The following EP300 variants were observed in gnomAD, a reference collection of about 807,000 sequenced individuals.
The protein encoded by EP300 is histone acetyltransferase p300.
A neutral mutation model predicts 264.0 loss-of-function variants in EP300; 31 were observed. The observed-to-expected ratio is 0.12, with a 90% CI of 0.09 to 0.16. EP300 has a LOEUF of 0.16. EP300 is among the 10% of genes least tolerant of loss of function. EP300 has a pLI of 1.00. For synonymous variants in EP300, 1,340 were observed against 1,045.4 expected (o/e 1.28, Z -5.44); for missense variants, 2,766 against 3,052.9 (o/e 0.91, Z 2.21).
intron 2 of EP300, among the ~76,000 whole-genome samples, chr22:41,119,567 A>G (rs1214689141): frequency 6.6e-6 from 1 of 152,152 alleles, no homozygotes; most frequent in Non-Finnish European, 1.5e-5. Flanking sequence ...TATGTAACCT[A>G]CTTTCTACTG....
chr22:41,176,075 C>T, intron 29 of EP300, 172 bp from the exon 30 acceptor site: 1 of 718,268 alleles, frequency 1.4e-6, no homozygotes, highest in South Asian at 1.8e-5. Context: ...CAGAAATTAG[C>T]CAGGTGTGGT....
chr22:41,109,398 A>G (rs1213462210), intron 1 of EP300, among the ~76,000 whole-genome samples: 3 of 152,182 alleles, frequency 2.0e-5, no homozygotes, highest in African/African-American at 7.2e-5. Flanking sequence ...TGCTTGATGA[A>G]CTCTGTACAT....
In EP300 at chr22:41,172,800, TAGAG is replaced by T. The variant is rs546055080; in HGVS notation, c.4617+140_4617+143del. The stretch of plus-strand genomic sequence containing the variant: ...TTAAGTTGGACAAGAAATATTGGCT[TAGAG>T]AGGTTATTAGGGTTCTGTTTCAGTG... On this transcript the variant is annotated intron_variant, in intron 28 of 30. Transcript: ENST00000263253. The T allele has an allele frequency of 8.4e-3, 7,991 of 946,954 alleles. 63 individuals are homozygous for T. The highest frequency in any genetic ancestry group is 8.4e-3 in the Non-Finnish European group (5,176 of 615,676). 58.7% of individuals were successfully genotyped at this position (946,954 alleles called of 1,614,324 possible).
intron 3 of EP300, among the ~76,000 whole-genome samples, chr22:41,127,158 C>T (rs1047653516): frequency 6.6e-6 from 1 of 152,146 alleles, no homozygotes; most frequent in Admixed American, 6.6e-5. Context: ...TTCTTCATTG[C>T]TCTTTAAAAC....
intron 22 of EP300, among the ~76,000 whole-genome samples, chr22:41,164,956 A>C (rs1048672568): frequency 6.6e-6 from 1 of 152,206 alleles, no homozygotes; most frequent in African/African-American, 2.4e-5. Context: ...CCTCTCATTA[A>C]GATGGGATCT....
chr22:41,101,832 G>T (rs1379399728), intron 1 of EP300, among the ~76,000 whole-genome samples: 1 of 152,056 alleles, frequency 6.6e-6, no homozygotes, highest in African/African-American at 2.4e-5. Flanking sequence ...CACTATGCCT[G>T]CCTCTAAGAA....
chr22:41,149,020 G>GTTTTTTTTTTT lies in EP300; in HGVS notation c.2242-14_2242-4dup. The GTTTTTTTTTTT allele has an allele frequency of 4.1e-6, 6 of 1,458,652 alleles. No individual in the cohort carries two copies. Among genetic ancestry groups the GTTTTTTTTTTT allele is most frequent in the Admixed American group, 1.9e-5 (1 of 53,772 alleles). The allele number at this position is 1,458,652 out of a possible 1,614,324, so 90.4% of individuals were successfully genotyped here. On this transcript the variant is annotated splice_polypyrimidine_tract_variant and intron_variant, in intron 12 of 30. Transcript: ENST00000263253. ...ATAATGAAGCAGTTTGGTGATTTGT[G>GTTTTTTTTTTT]TTTTTTTTTTTTTTCAGCCTATGGG...
At chr22:41,164,956 A>G (rs1048672568) in intron 22 of EP300, among the ~76,000 whole-genome samples, 3 of 152,206 alleles carry the variant, frequency 2.0e-5, no homozygotes, top group African/African-American at 7.2e-5. Context: ...CCTCTCATTA[A>G]GATGGGATCT....
rs757679185 is a variant in EP300, at chr22:41,117,824, A to G, written c.729+3A>G. 3.1e-6 allele frequency: 5 copies of G among 1,613,666 alleles called. No homozygotes were observed. In the African/African-American group the frequency reaches 6.7e-5, roughly 22 times the overall value. ...TGAGAGGCCCCCAGCCTCTTAAGGT[A>G]AGTACAGTTTTGGTTTGTGTGCACA... On this transcript the variant is annotated splice_donor_region_variant and intron_variant, in intron 2 of 30. Coordinates refer to ENST00000263253, the MANE Select transcript of EP300 (RefSeq NM_001429.4).
intron 10 of EP300, 115 bp downstream of exon 10, chr22:41,141,337 C>T: frequency 3.4e-6 from 4 of 1,180,552 alleles, no homozygotes; most frequent in Non-Finnish European, 1.2e-6. Context: ...TTTAAATAAC[C>T]ATTTGCCTTT....
chr22:41,098,598 A>C (rs1569080702), intron 1 of EP300, among the ~76,000 whole-genome samples: 1 of 151,980 alleles, frequency 6.6e-6, no homozygotes, highest in Non-Finnish European at 1.5e-5. Flanking sequence ...GTCTCCATAC[A>C]CTGACCTCGT....
chr22:41,112,184 G>C (rs1292967232), intron 1 of EP300, among the ~76,000 whole-genome samples: 1 of 150,828 alleles, frequency 6.6e-6, no homozygotes, highest in African/African-American at 2.4e-5. Flanking sequence ...CACCATGCCT[G>C]GCCACCTATT....
chr22:41,140,368 G>A, intron 9 of EP300, 111 bp downstream of exon 9: 1 of 812,272 alleles, frequency 1.2e-6, no homozygotes, highest in South Asian at 1.3e-5. Flanking sequence ...GGGACACGCT[G>A]TAGCTATCCC....
At position 41,150,082 on chromosome 22, in the gene EP300, C is replaced by G; in HGVS notation, c.2701C>G (p.Leu901Val). The G allele has an allele frequency of 6.2e-7, 1 of 1,613,768 alleles. No individual in the cohort carries two copies. The highest frequency in any genetic ancestry group is 8.5e-7 in the Non-Finnish European group (1 of 1,180,028). ...TQLPQQVQPS[L>V]PAAPSADQPQ... Reference sequence around the variant, plus strand: ...ACTTCCCCAACAAGTGCAGCCTTCACTTCCTGCTGCACCTTCTGCTGACCA... The same window carrying G: ...ACTTCCCCAACAAGTGCAGCCTTCAGTTCCTGCTGCACCTTCTGCTGACCA... The change falls in exon 14 of 31, where the codon CTT becomes GTT. Residue 901 changes from leucine to valine, a missense_variant. Coordinates refer to ENST00000263253, the MANE Select transcript of EP300 (RefSeq NM_001429.4).
chr22:41,158,675 T>C, intron 19 of EP300, 175 bp downstream of exon 19: 1 of 619,110 alleles, frequency 1.6e-6, no homozygotes, highest in Middle Eastern at 4.4e-4. Context: ...TAAAATTTTC[T>C]ATCAGAGTAG....
chr22:41,118,000 T>C (rs2058831150), intron 2 of EP300, among the ~76,000 whole-genome samples, 179 bp downstream of exon 2: 1 of 152,226 alleles, frequency 6.6e-6, no homozygotes, highest in Non-Finnish European at 1.5e-5. Flanking sequence ...TTACAGCTGG[T>C]ATTCTATAAC....
chr22:41,163,451 AAAAATT>A lies in EP300; in HGVS notation c.3729-600_3729-595del, dbSNP rs2059118501. 1.4e-5 allele frequency among the ~76,000 whole-genome samples: 2 copies of A among 148,090 alleles called. 1 individual carries two copies. Among genetic ancestry groups the A allele is most frequent in the South Asian group, 4.3e-4 (2 of 4,668 alleles). Reference sequence around the variant, plus strand: ...CTCCGTCTCAAAAAAAAAAAAAAAAAAAAATTAGCCAGGTTTGGCCGGGCACAGTGG... The same window carrying A: ...CTCCGTCTCAAAAAAAAAAAAAAAAAAGCCAGGTTTGGCCGGGCACAGTGG... On this transcript the variant is annotated intron_variant, in intron 21 of 30. Coordinates refer to ENST00000263253, the MANE Select transcript of EP300 (RefSeq NM_001429.4).
chr22:41,162,434 C>G (rs1226087626), intron 20 of EP300, among the ~76,000 whole-genome samples: 1 of 151,940 alleles, frequency 6.6e-6, no homozygotes, highest in Non-Finnish European at 1.5e-5. Flanking sequence ...TACCTAACAC[C>G]AAGAATAGTA....
intron 1 of EP300, among the ~76,000 whole-genome samples, chr22:41,109,174 T>G (rs2058774455): frequency 6.7e-6 from 1 of 148,154 alleles, no homozygotes; most frequent in Non-Finnish European, 1.5e-5. Flanking sequence ...GAGGATTGCT[T>G]GAGCCAGGAG....
Sources: allele counts gnomAD v4.1 joint callset (sites outside exome capture counted in the v4.1 genomes callset), GRCh38; gene constraint gnomAD v4.1.1; transcripts MANE v1.5; gene names NCBI Gene and HGNC (gene_info 2026-07-23, HGNC 2026-07-21).